Variants in APBA2 observed in about 807,000 individuals in gnomAD.
APBA2 encodes amyloid-beta A4 precursor protein-binding family A member 2.
A neutral mutation model predicts 75.0 loss-of-function variants in APBA2; 30 were observed. The ratio of observed to expected loss-of-function variants is 0.40; its 90% CI spans 0.30 to 0.54. The LOEUF is 0.54. Ranked by LOEUF, APBA2 falls within the 20% of genes least tolerant of loss-of-function variation. The pLI is 0.49. For missense variants in APBA2, 801 were observed against 1,016.1 expected (o/e 0.79, Z 2.88); for synonymous variants, 444 against 409.6 (o/e 1.08, Z -1.01).
At chr15:29,075,434 C>A (rs1194131275) in intron 5 of APBA2, among the ~76,000 whole-genome samples, 1 of 152,138 alleles carries the variant, frequency 6.6e-6, no homozygotes, top group Non-Finnish European at 1.5e-5. Flanking sequence ...TGAGCAGCAT[C>A]CGTGGCCTCA....
intron 9 of APBA2, among the ~76,000 whole-genome samples, chr15:29,100,836 G>A (rs1389003274): frequency 1.3e-5 from 2 of 152,194 alleles, no homozygotes; most frequent in Non-Finnish European, 1.5e-5. Context: ...TATATGGCAA[G>A]CCCCTGCTCC....
At chr15:28,931,126 G>A (rs565429672) in intron 2 of APBA2, among the ~76,000 whole-genome samples, 1 of 152,222 alleles carries the variant, frequency 6.6e-6, no homozygotes, top group Non-Finnish European at 1.5e-5. Flanking sequence ...AGCCCTTCAC[G>A]GAAAGTCCCT....
chr15:29,060,273 G>A (rs1213703189), intron 4 of APBA2, among the ~76,000 whole-genome samples: 1 of 152,138 alleles, frequency 6.6e-6, no homozygotes, highest in East Asian at 1.9e-4. Context: ...GAATATGATC[G>A]CAGTAAATCC....
Position 29,106,589 on chromosome 15 carries a change from C to G in APBA2, c.1705-18C>G. 2 of 1,613,050 alleles carry G rather than the reference C, an allele frequency of 1.2e-6. No individual in the cohort carries two copies. Among genetic ancestry groups the G allele is most frequent in the African/African-American group, 1.3e-5 (1 of 75,060 alleles). On this transcript the variant is annotated intron_variant, in intron 11 of 14. Transcript: ENST00000683413. ...GTCCTTGCCGCCAGCCCCTCTCACACTGCTGATCCCTTTGCAGCTGCAGCT... is the reference window on the plus strand; with the variant it reads ...GTCCTTGCCGCCAGCCCCTCTCACAGTGCTGATCCCTTTGCAGCTGCAGCT...
At chr15:28,902,287 C>T (rs1032107196) in intron 1 of APBA2, among the ~76,000 whole-genome samples, 2 of 152,112 alleles carry the variant, frequency 1.3e-5, no homozygotes, top group Non-Finnish European at 2.9e-5. Context: ...CTGTATCCGT[C>T]CTCCCCCAAA....
chr15:29,054,535 G>A lies in APBA2; in HGVS notation c.651G>A (p.Gly217=). The A allele has an allele frequency of 6.2e-7, 1 of 1,613,558 alleles. No individual in the cohort carries two copies. The highest frequency in any genetic ancestry group is 1.1e-5 in the South Asian group (1 of 90,960). The change falls in exon 4 of 15, where the codon GGG becomes GGA. Residue 217 remains glycine (G), a synonymous_variant. Coordinates refer to ENST00000683413, the MANE Select transcript of APBA2 (RefSeq NM_001353788.2). This position sits in a 1 kb window ranked among gnomAD's most constrained non-coding sequence, Gnocchi z 6.1. ...ASPYRLRRGD[G]DLEDQEEDID... The stretch of plus-strand genomic sequence containing the variant: ...CCTACCGCCTGAGGCGTGGGGATGG[G>A]GACCTGGAGGACCAGGAGGAGGACA...
chr15:29,048,436 CTAACTCTT>C (rs2041444652), intron 3 of APBA2, among the ~76,000 whole-genome samples: 1 of 152,206 alleles, frequency 6.6e-6, no homozygotes. Context: ...CTTGGAACCA[CTAACTCTT>C]AAGTTCTTTT....
chr15:28,939,320 G>A (rs966878470), intron 2 of APBA2, among the ~76,000 whole-genome samples: 1 of 152,124 alleles, frequency 6.6e-6, no homozygotes, highest in Non-Finnish European at 1.5e-5. Flanking sequence ...TGTGAACAGG[G>A]GTGTACAGAT....
intron 1 of APBA2, among the ~76,000 whole-genome samples, chr15:28,903,947 TC>T (rs1481147371): frequency 6.6e-6 from 1 of 152,184 alleles, no homozygotes; most frequent in Admixed American, 6.5e-5. Context: ...TTACCACTCA[TC>T]CGGATTTTGT....
chr15:29,017,333 C>CTATTCAT (rs1397108464), intron 3 of APBA2, among the ~76,000 whole-genome samples: 1 of 151,192 alleles, frequency 6.6e-6, no homozygotes, highest in African/African-American at 2.4e-5. Context: ...GATTTTTGAC[C>CTATTCAT]TATTCATTCT....
chr15:28,978,956 A>G (rs150731472), intron 2 of APBA2, among the ~76,000 whole-genome samples: 47 of 152,300 alleles, frequency 3.1e-4, no homozygotes, highest in African/African-American at 1.1e-3. Context: ...AGGGGACAAG[A>G]AGTTCTTAAA....
chr15:28,957,959 A>T (rs1202188973), intron 2 of APBA2, among the ~76,000 whole-genome samples: 1 of 152,174 alleles, frequency 6.6e-6, no homozygotes, highest in Non-Finnish European at 1.5e-5. Flanking sequence ...TCCTGCTGCG[A>T]CTGGGTTGAA....
At chr15:29,049,460 G>A (rs538085110) in intron 3 of APBA2, among the ~76,000 whole-genome samples, 16 of 152,306 alleles carry the variant, frequency 1.1e-4, no homozygotes, top group African/African-American at 3.4e-4. Flanking sequence ...GCTAGGGACA[G>A]GTGCAGCACA....
Position 29,046,800 on chromosome 15 carries a change from C to T in APBA2, c.-40-7045C>T, listed in dbSNP as rs895404690. ...TTCCTCAGTCCCTCCAAGATGCACC[C>T]ATATCCCACTGCAGGGATGCAATTT... On this transcript the variant is annotated intron_variant, in intron 3 of 14. Coordinates refer to ENST00000683413, the MANE Select transcript of APBA2 (RefSeq NM_001353788.2). The surrounding 1 kb of genome is among the most constrained non-coding windows in gnomAD (Gnocchi z 5.0). 6.6e-6 allele frequency among the ~76,000 whole-genome samples: 1 copy of T among 152,212 alleles called. No homozygotes were observed. The highest frequency in any genetic ancestry group is 1.5e-5 in the Non-Finnish European group (1 of 68,042).
intron 2 of APBA2, among the ~76,000 whole-genome samples, chr15:28,945,692 A>G (rs1038700793): frequency 4.6e-5 from 7 of 151,844 alleles, no homozygotes; most frequent in African/African-American, 1.7e-4. Context: ...TAATTTTTGT[A>G]TTTTTAGTAG....
intron 6 of APBA2, among the ~76,000 whole-genome samples, chr15:29,085,810 C>T (rs750688410): frequency 1.3e-5 from 2 of 152,098 alleles, no homozygotes; most frequent in Non-Finnish European, 2.9e-5. Context: ...GTTCTTTCTC[C>T]ATGGAGCCCT....
chr15:29,043,512 A>G (rs1168416892), intron 3 of APBA2, among the ~76,000 whole-genome samples: 2 of 152,246 alleles, frequency 1.3e-5, no homozygotes, highest in South Asian at 2.1e-4. Flanking sequence ...GACTAGAGGA[A>G]GGAAATAGGT....
chr15:28,890,491 C>T (rs2032062114), intron 1 of APBA2, among the ~76,000 whole-genome samples: 1 of 152,268 alleles, frequency 6.6e-6, no homozygotes, highest in East Asian at 1.9e-4. Flanking sequence ...CAGACTCTGT[C>T]CCAGGGCTCC....
At chr15:28,917,184 C>CTT (rs2033724542) in intron 1 of APBA2, among the ~76,000 whole-genome samples, 10 of 152,246 alleles carry the variant, frequency 6.6e-5, no homozygotes, top group African/African-American at 2.4e-4. Context: ...CCTGCCCTCC[C>CTT]TCCAAACCCC....
Sources: allele counts gnomAD v4.1 joint callset (sites outside exome capture counted in the v4.1 genomes callset), GRCh38; gene constraint gnomAD v4.1.1; non-coding constraint Gnocchi (gnomAD v3.1); transcripts MANE v1.5; gene names NCBI Gene and HGNC (gene_info 2026-07-23, HGNC 2026-07-21).